The following EPB41L2 variants were observed in gnomAD, a reference collection of about 807,000 sequenced individuals.
EPB41L2 encodes the protein erythrocyte membrane protein band 4.1 like 2, also known as band 4.1-like protein 2.
A neutral mutation model predicts 113.0 loss-of-function variants in EPB41L2; 43 were observed. The observed-to-expected ratio is 0.38, with a 90% CI of 0.30 to 0.49. The LOEUF (loss-of-function observed/expected upper bound fraction) is 0.49. Ranked by LOEUF, EPB41L2 falls within the 20% of genes least tolerant of loss-of-function variation. The pLI is 0.95. For synonymous variants in EPB41L2, 442 were observed against 436.7 expected (o/e 1.01, Z -0.15); for missense variants, 1,147 against 1,223.4 (o/e 0.94, Z 0.93).
chr6:130,958,405 T>C (rs988806103), intron 1 of EPB41L2, among the ~76,000 whole-genome samples: 8 of 150,802 alleles, frequency 5.3e-5, no homozygotes, highest in Admixed American at 1.3e-4. Context: ...TGAGCCGAGA[T>C]TGTGTCACTG....
intron 1 of EPB41L2, among the ~76,000 whole-genome samples, chr6:131,008,205 C>A (rs73623481): frequency 1.3e-5 from 2 of 152,218 alleles, no homozygotes; most frequent in Non-Finnish European, 1.5e-5. Context: ...TGGACATGTG[C>A]CCTGCATCCC....
intron 19 of EPB41L2, among the ~76,000 whole-genome samples, chr6:130,848,706 C>T (rs184512185): frequency 6.4e-4 from 97 of 152,280 alleles, no homozygotes; most frequent in Middle Eastern, 6.8e-3. Context: ...CTGTAATCCT[C>T]GTAAGGACAG....
chr6:130,856,958 T>G lies in EPB41L2; in HGVS notation c.*5+1173A>C, dbSNP rs185888464. ...CTTCAGGGTGTGTAAATCTTTTGCC[T>G]GTTACTAATACTAGCAAATATAAAT... On this transcript the variant is annotated intron_variant, in intron 19 of 19. Transcript: ENST00000337057. Among the ~76,000 whole-genome samples, 997 of 152,308 alleles carry G rather than the reference T, an allele frequency of 6.5e-3. 8 individuals carry two copies. The highest frequency in any genetic ancestry group is 0.01 in the Middle Eastern group (3 of 294).
At chr6:130,980,356 G>GGA (rs1467305214) in intron 1 of EPB41L2, among the ~76,000 whole-genome samples, 1 of 151,986 alleles carries the variant, frequency 6.6e-6, no homozygotes, top group Non-Finnish European at 1.5e-5. Context: ...GAGATAGAGA[G>GGA]GAGAGGTTCA....
chr6:131,013,638 G>C (rs1787546674), intron 1 of EPB41L2: 1 of 152,120 alleles, frequency 6.6e-6, no homozygotes, highest in African/African-American at 2.4e-5. Context: ...ACTACAGATT[G>C]TTCAGACCTT....
chr6:130,995,899 C>G (rs1442090462), intron 1 of EPB41L2, among the ~76,000 whole-genome samples: 1 of 152,152 alleles, frequency 6.6e-6, no homozygotes, highest in East Asian at 1.9e-4. Flanking sequence ...CCCACTGTCC[C>G]CTAAAATTCC....
At chr6:130,891,813 T>C (rs377241734) in intron 10 of EPB41L2, among the ~76,000 whole-genome samples, 3 of 152,314 alleles carry the variant, frequency 2.0e-5, no homozygotes, top group African/African-American at 7.2e-5. Flanking sequence ...TATCAATTAA[T>C]AGATCTGTTT....
chr6:130,951,274 G>T (rs1477145927), intron 3 of EPB41L2, among the ~76,000 whole-genome samples: 2 of 139,644 alleles, frequency 1.4e-5, no homozygotes, highest in African/African-American at 5.3e-5. Context: ...GAGGGGGAGG[G>T]GGGGAGGGGA....
intron 1 of EPB41L2, among the ~76,000 whole-genome samples, chr6:131,038,052 C>T (rs537137596): frequency 7.9e-5 from 12 of 152,132 alleles, no homozygotes; most frequent in Non-Finnish European, 8.8e-5. Flanking sequence ...TCAATAAACA[C>T]GTATGTGGAT....
At position 131,054,049 on chromosome 6, in the gene EPB41L2, G is replaced by A. The variant is rs965198245; in HGVS notation, c.-15+9106C>T. On this transcript the variant is annotated intron_variant, in intron 1 of 19. Coordinates refer to ENST00000337057, the MANE Select transcript of EPB41L2 (RefSeq NM_001431.4). ...GATCTATCCCCATGTCATGAGGGTT[G>A]ATGTCAGTGTGACTCCGGTCGGTCC... Among the ~76,000 whole-genome samples the A allele has an allele frequency of 1.3e-5, 2 of 152,204 alleles. 1 individual carries two copies. Among genetic ancestry groups the A allele is most frequent in the Middle Eastern group, 6.3e-3 (2 of 316 alleles).
At chr6:130,908,897 T>TTA (rs1261119287) in intron 4 of EPB41L2, 34 bp from the exon 5 acceptor site, 7 of 1,491,406 alleles carry the variant, frequency 4.7e-6, no homozygotes, top group Non-Finnish European at 6.5e-6. Context: ...TCATAAGAAA[T>TTA]ATTCTAGAGT....
chr6:130,896,708 G>C (rs1794778134), intron 8 of EPB41L2, among the ~76,000 whole-genome samples: 1 of 152,206 alleles, frequency 6.6e-6, no homozygotes, highest in Non-Finnish European at 1.5e-5. Context: ...AAGTGAAAGA[G>C]GAAAAGGCAG....
intron 3 of EPB41L2, among the ~76,000 whole-genome samples, chr6:130,928,338 T>C (rs1209031198): frequency 6.6e-6 from 1 of 152,194 alleles, no homozygotes; most frequent in African/African-American, 2.4e-5. Flanking sequence ...ATGTGACCCA[T>C]GGCAAGACAC....
intron 1 of EPB41L2, among the ~76,000 whole-genome samples, chr6:130,992,454 AGT>A (rs1191168021): frequency 1.3e-5 from 2 of 152,098 alleles, no homozygotes; most frequent in African/African-American, 4.8e-5. Flanking sequence ...ACATTTTATG[AGT>A]TAATCAATAA....
intron 1 of EPB41L2, among the ~76,000 whole-genome samples, chr6:130,988,920 C>G (rs769484685): frequency 6.6e-5 from 10 of 152,146 alleles, no homozygotes; most frequent in Non-Finnish European, 1.5e-4. Flanking sequence ...GAAACCCTAT[C>G]TCTACTAAAA....
intron 3 of EPB41L2, among the ~76,000 whole-genome samples, chr6:130,941,394 C>A (rs1363741605): frequency 6.6e-6 from 1 of 152,208 alleles, no homozygotes; most frequent in Non-Finnish European, 1.5e-5. Context: ...TATCGAACTT[C>A]TAGCCAGAAG....
chr6:131,004,882 G>A (rs781191096), intron 1 of EPB41L2, among the ~76,000 whole-genome samples: 4 of 152,094 alleles, frequency 2.6e-5, no homozygotes, highest in Non-Finnish European at 2.9e-5. Context: ...TGTCCAGGAC[G>A]GTCATGTACA....
At chr6:131,061,022 T>C (rs1484435496) in intron 1 of EPB41L2, among the ~76,000 whole-genome samples, 3 of 152,222 alleles carry the variant, frequency 2.0e-5, no homozygotes, top group Non-Finnish European at 2.9e-5. Flanking sequence ...AACGTAGATA[T>C]ATGAAGAGTT....
intron 4 of EPB41L2, among the ~76,000 whole-genome samples, chr6:130,909,800 A>G (rs11962827): frequency 0.025 from 3,799 of 152,298 alleles, 150 homozygotes; most frequent in African/African-American, 0.087. Context: ...AGAAAAAAAT[A>G]CCTAGGAATA....
Sources: allele counts gnomAD v4.1 joint callset (sites outside exome capture counted in the v4.1 genomes callset), GRCh38; gene constraint gnomAD v4.1.1; transcripts MANE v1.5; gene names NCBI Gene and HGNC (gene_info 2026-07-23, HGNC 2026-07-21).